The following EMP1 variants were observed in gnomAD, a reference collection of about 807,000 sequenced individuals.
EMP1 encodes the protein epithelial membrane protein 1, also known as tumor-associated membrane protein.
EMP1 carries 5 observed loss-of-function variants against 15.7 expected under a neutral mutation model. That is an observed-to-expected ratio of 0.32 (90% confidence interval 0.17 to 0.67). EMP1 has a LOEUF of 0.67. Among genes scored for constraint, EMP1 ranks in the 30% least tolerant of loss-of-function variants. EMP1 has a pLI of 0.74. For synonymous variants in EMP1, 78 were observed against 76.7 expected (o/e 1.02, Z -0.09); for missense variants, 166 against 194.2 (o/e 0.85, Z 0.86).
rs1487361471 is a variant in EMP1, at chr12:13,219,583, TGC to T, written c.*4893_*4894del. 1 of 152,214 alleles carries T rather than the reference TGC, an allele frequency of 6.6e-6. No individual in the cohort carries two copies. The highest frequency in any genetic ancestry group is 1.9e-4 in the East Asian group (1 of 5,196). 9.4% of individuals were successfully genotyped at this position (152,214 alleles called of 1,614,324 possible). A position where few individuals can be genotyped will look rare whatever the true frequency, so the allele number is the denominator to read the frequency against. ...TTCCTGTATTAGTCTGTTTTCACACTGCTATGAAGACATACTTGAGACTCGGT... is the reference window on the plus strand; with the variant it reads ...TTCCTGTATTAGTCTGTTTTCACACTTATGAAGACATACTTGAGACTCGGT... On this transcript the variant is annotated 3_prime_UTR_variant, in exon 5 of 5. Transcript: ENST00000256951.
chr12:13,199,964 CT>C (rs60389913), intron 1 of EMP1, among the ~76,000 whole-genome samples: 369 of 107,552 alleles, frequency 3.4e-3, no homozygotes, highest in Non-Finnish European at 5.3e-3. Context: ...TCTTCTTCTT[CT>C]TTTTTTTTTT....
At chr12:13,204,972 C>G (rs1864098808) in intron 1 of EMP1, among the ~76,000 whole-genome samples, 1 of 152,138 alleles carries the variant, frequency 6.6e-6, no homozygotes, top group Admixed American at 6.5e-5. Context: ...AAGAATTAGT[C>G]TAGTCAGGTA....
In EMP1 at chr12:13,211,701, A is replaced by T. The variant is rs1384077900; in HGVS notation, c.78+113A>T. On this transcript the variant is annotated intron_variant, in intron 2 of 4. Coordinates refer to ENST00000256951, the MANE Select transcript of EMP1 (RefSeq NM_001423.3). This position sits in a 1 kb window ranked among gnomAD's most constrained non-coding sequence, Gnocchi z 4.7. ...CTTGCCCTTCATGAACTTACAGCTC[A>T]GTTGTGGGAAAACAAAATAAACACA... The T allele has an allele frequency of 4.3e-6, 5 of 1,174,610 alleles. No individual in the cohort carries two copies. The highest frequency in any genetic ancestry group is 2.1e-5 in the Admixed American group (1 of 47,612). The allele number at this position is 1,174,610 out of a possible 1,614,324, so 72.8% of individuals were successfully genotyped here.
chr12:13,211,854 CT>C lies in EMP1; in HGVS notation c.78+268del. The C allele has an allele frequency of 2.2e-6, 1 of 452,246 alleles. No homozygotes were observed. Among genetic ancestry groups the C allele is most frequent in the Non-Finnish European group, 4.0e-6 (1 of 252,342 alleles). The allele number at this position is 452,246 out of a possible 1,614,324, so 28.0% of individuals were successfully genotyped here. The stretch of plus-strand genomic sequence containing the variant: ...CAGCTTCTTCGGTCTCTAGAAGAGC[CT>C]TCCCAGCAGCAGGGGTGAGTGGAGC... On this transcript the variant is annotated intron_variant, in intron 2 of 4. Coordinates refer to ENST00000256951, the MANE Select transcript of EMP1 (RefSeq NM_001423.3). This position sits in a 1 kb window ranked among gnomAD's most constrained non-coding sequence, Gnocchi z 4.7.
chr12:13,197,059 A>G (rs58261347), intron 1 of EMP1, among the ~76,000 whole-genome samples, 187 bp downstream of exon 1: 4,852 of 152,292 alleles, frequency 0.032, 267 homozygotes, highest in African/African-American at 0.11. Flanking sequence ...AACTTTTTCT[A>G]GAAAGTTCAG....
At chr12:13,200,170 C>G (rs1407139846) in intron 1 of EMP1, among the ~76,000 whole-genome samples, 1 of 152,146 alleles carries the variant, frequency 6.6e-6, no homozygotes, top group Non-Finnish European at 1.5e-5. Flanking sequence ...TTGGGACTCT[C>G]AGATGTACAT....
intron 1 of EMP1, among the ~76,000 whole-genome samples, chr12:13,210,540 C>T (rs1162868555): frequency 1.3e-5 from 2 of 152,218 alleles, no homozygotes; most frequent in Admixed American, 6.5e-5. Flanking sequence ...CATGCACATT[C>T]TTAATCGATA....
Position 13,216,403 on chromosome 12 carries a change from G to C in EMP1, c.*1712G>C, listed in dbSNP as rs773364019. ...TGAGGGCAAGCCACCAAATTACCTA[G>C]GCTGAGGTTAGAGAGATTGGCCAGC... On this transcript the variant is annotated 3_prime_UTR_variant, in exon 5 of 5. Transcript: ENST00000256951. 1 of 702,276 alleles carries C rather than the reference G, an allele frequency of 1.4e-6. No individual in the cohort carries two copies. The allele number at this position is 702,276 out of a possible 1,614,324, so 43.5% of individuals were successfully genotyped here. A position where few individuals can be genotyped will look rare whatever the true frequency, so the allele number is the denominator to read the frequency against.
In EMP1 at chr12:13,216,379, G is replaced by C. The variant is rs985623121; in HGVS notation, c.*1688G>C. ...TGTTTATTCTAGTTAAGGAAATGTT[G>C]AGGGCAAGCCACCAAATTACCTAGG... On this transcript the variant is annotated 3_prime_UTR_variant, in exon 5 of 5. Coordinates refer to ENST00000256951, the MANE Select transcript of EMP1 (RefSeq NM_001423.3). The C allele has an allele frequency of 4.3e-6, 3 of 702,112 alleles. No individual in the cohort carries two copies. In the African/African-American group the frequency reaches 5.2e-5, roughly 12 times the overall value. 43.5% of individuals were successfully genotyped at this position (702,112 alleles called of 1,614,324 possible).
At chr12:13,212,709 A>C (rs1361569722) in intron 2 of EMP1, among the ~76,000 whole-genome samples, 25 of 152,260 alleles carry the variant, frequency 1.6e-4, no homozygotes, top group Admixed American at 1.6e-3. Flanking sequence ...GGATTGGCGT[A>C]GGTGATGCAT....
chr12:13,214,829 C>G lies in EMP1; in HGVS notation c.*138C>G, dbSNP rs1864200224. On this transcript the variant is annotated 3_prime_UTR_variant, in exon 5 of 5. Coordinates refer to ENST00000256951, the MANE Select transcript of EMP1 (RefSeq NM_001423.3). ...GAAGCAAAGGGGGGAGGTCAAATCCCAAACCATTACTGAGGGGATTCTCTA... is the reference window on the plus strand; with the variant it reads ...GAAGCAAAGGGGGGAGGTCAAATCCGAAACCATTACTGAGGGGATTCTCTA... 3.0e-6 allele frequency: 2 copies of G among 669,950 alleles called. No individual in the cohort carries two copies. The highest frequency in any genetic ancestry group is 2.4e-6 in the Non-Finnish European group (1 of 408,982). 41.5% of individuals were successfully genotyped at this position (669,950 alleles called of 1,614,324 possible). A position where few individuals can be genotyped will look rare whatever the true frequency, so the allele number is the denominator to read the frequency against.
rs1320574277 is a variant in EMP1 at position 13,218,959 on chromosome 12, C to T, written c.*4268C>T. The T allele has an allele frequency of 1.3e-5, 2 of 152,166 alleles. No individual in the cohort carries two copies. The highest frequency in any genetic ancestry group is 2.9e-5 in the Non-Finnish European group (2 of 68,032). The allele number at this position is 152,166 out of a possible 1,614,324, so 9.4% of individuals were successfully genotyped here. On this transcript the variant is annotated 3_prime_UTR_variant, in exon 5 of 5. Coordinates refer to ENST00000256951, the MANE Select transcript of EMP1 (RefSeq NM_001423.3). ...TCAGTTCTTCAGCTTTTCCTCATGA[C>T]CCTATCTCATGCCATGAGCAATTGT... is the stretch of plus-strand genomic sequence containing the variant.
intron 2 of EMP1, among the ~76,000 whole-genome samples, chr12:13,213,122 A>G (rs1229003431): frequency 6.6e-6 from 1 of 152,240 alleles, no homozygotes; most frequent in Non-Finnish European, 1.5e-5. Context: ...TATGAACTGC[A>G]CATACCTAAG....
Position 13,211,331 on chromosome 12 carries a change from A to G in EMP1, c.-42-138A>G. ...AGAACTAGGTTACAGGGGTGTTTTC[A>G]GGAATTTATGATTAGATTGTGATGG... On this transcript the variant is annotated intron_variant, in intron 1 of 4. Coordinates refer to ENST00000256951, the MANE Select transcript of EMP1 (RefSeq NM_001423.3). This position sits in a 1 kb window ranked among gnomAD's most constrained non-coding sequence, Gnocchi z 4.7. 1.5e-6 allele frequency: 1 copy of G among 667,904 alleles called. No individual in the cohort carries two copies. Among genetic ancestry groups the G allele is most frequent in the Middle Eastern group, 2.6e-4 (1 of 3,874 alleles). The allele number at this position is 667,904 out of a possible 1,614,324, so 41.4% of individuals were successfully genotyped here.
At chr12:13,202,271 G>GT (rs1287171555) in intron 1 of EMP1, among the ~76,000 whole-genome samples, 3 of 152,128 alleles carry the variant, frequency 2.0e-5, no homozygotes, top group Non-Finnish European at 2.9e-5. Context: ...GCTACTTCTT[G>GT]TTTTTTCAGG....
chr12:13,202,266 T>C (rs4763327), intron 1 of EMP1, among the ~76,000 whole-genome samples: 51,357 of 152,072 alleles, frequency 0.34, 9,567 homozygotes, highest in East Asian at 0.8. Context: ...CATTGGCTAC[T>C]TCTTGTTTTT....
Position 13,211,967 on chromosome 12 carries a change from G to A in EMP1, c.78+379G>A, listed in dbSNP as rs374945660. On this transcript the variant is annotated intron_variant, in intron 2 of 4. Transcript: ENST00000256951. This position sits in a 1 kb window ranked among gnomAD's most constrained non-coding sequence, Gnocchi z 4.7. ...GGAAGGATCATAGGGATGCATTCAG[G>A]TGGGAGTGCTAGCAAAGGAGCATAT... 7.3e-4 allele frequency: 158 copies of A among 217,536 alleles called. No homozygotes were observed. The highest frequency in any genetic ancestry group is 3.5e-3 in the African/African-American group (152 of 43,188). 13.5% of individuals were successfully genotyped at this position (217,536 alleles called of 1,614,324 possible).
chr12:13,197,984 G>T (rs533770776), intron 1 of EMP1, among the ~76,000 whole-genome samples: 1 of 152,158 alleles, frequency 6.6e-6, no homozygotes, highest in South Asian at 2.1e-4. Flanking sequence ...AGAGGGTGGG[G>T]CAGGAGAACT....
chr12:13,215,000 C>T lies in EMP1; in HGVS notation c.*309C>T, dbSNP rs1864201714. The T allele has an allele frequency of 3.0e-6, 1 of 335,808 alleles. No individual in the cohort carries two copies. The highest frequency in any genetic ancestry group is 4.1e-5 in the Admixed American group (1 of 24,450). 20.8% of individuals were successfully genotyped at this position (335,808 alleles called of 1,614,324 possible). A position where few individuals can be genotyped will look rare whatever the true frequency, so the allele number is the denominator to read the frequency against. On this transcript the variant is annotated 3_prime_UTR_variant, in exon 5 of 5. Transcript: ENST00000256951. ...CACTGTCTGGGGCCCCATCAGCTGC[C>T]ACAACACCAGCCCCACTTCTGGGTC...
Sources: gnomAD v4.1 joint callset for allele counts (sites outside exome capture counted in the v4.1 genomes callset) on GRCh38, gnomAD v4.1.1 for gene constraint, Gnocchi (gnomAD v3.1) non-coding constraint, MANE v1.5 for transcripts, NCBI Gene and HGNC (gene_info 2026-07-23, HGNC 2026-07-21) for gene names.